The following PXT1 variants were observed in gnomAD, a reference collection of about 807,000 sequenced individuals.
PXT1 encodes the protein peroxisomal testis enriched protein 1.
In PXT1, 11 loss-of-function variants were observed where a neutral mutation model predicts 11.0. The ratio of observed to expected loss-of-function variants is 1.00; its 90% CI spans 0.63 to 1.66. PXT1 has a LOEUF of 1.66. PXT1 is among the 40% of genes most tolerant of loss of function. The probability of loss-of-function intolerance (pLI) is 0.00; values close to 1 mark genes in which losing one functional copy is unlikely to be tolerated. For synonymous variants in PXT1, 43 were observed against 51.4 expected, an observed-to-expected ratio of 0.84 and a Z score of 0.70; for missense variants, 141 against 155.5, an observed-to-expected ratio of 0.91 and a Z score of 0.49.
chr6:36,434,965 T>C (rs1774741640), intron 2 of PXT1, among the ~76,000 whole-genome samples: 1 of 152,210 alleles, frequency 6.6e-6, no homozygotes, highest in African/African-American at 2.4e-5. Flanking sequence ...AAAGGTACTT[T>C]TATGTGATTG....
In PXT1 at chr6:36,422,559, T is replaced by C. The variant is rs146039642; in HGVS notation, c.169+3355A>G. Among the ~76,000 whole-genome samples, 643 of 152,342 alleles carry C rather than the reference T, an allele frequency of 4.2e-3. 4 individuals carry two copies. The highest frequency in any genetic ancestry group is 0.017 in the Middle Eastern group (5 of 294). ...CCATACGCTCCATGACTGAAGGAACTGGTACTGTTTTTATTTATCACTGTC... is the reference window on the plus strand; with the variant it reads ...CCATACGCTCCATGACTGAAGGAACCGGTACTGTTTTTATTTATCACTGTC... On this transcript the variant is annotated intron_variant, in intron 3 of 4. Coordinates refer to ENST00000454782, the MANE Select transcript of PXT1 (RefSeq NM_152990.4).
At chr6:36,412,952 A>G (rs1476903410) in intron 3 of PXT1, among the ~76,000 whole-genome samples, 1 of 152,164 alleles carries the variant, frequency 6.6e-6, no homozygotes, top group African/African-American at 2.4e-5. Context: ...GGAAATCTCA[A>G]AGAAAGAAAA....
intron 2 of PXT1, among the ~76,000 whole-genome samples, chr6:36,426,636 T>C (rs967828449): frequency 2.0e-5 from 3 of 152,190 alleles, no homozygotes; most frequent in South Asian, 2.1e-4. Context: ...TCCCAAAGTG[T>C]TGGGATTACA....
chr6:36,420,865 C>G (rs1415856410), intron 3 of PXT1, among the ~76,000 whole-genome samples: 1 of 151,984 alleles, frequency 6.6e-6, no homozygotes, highest in Non-Finnish European at 1.5e-5. Flanking sequence ...ATAGCCTGGC[C>G]AACATGGTGA....
intron 3 of PXT1, among the ~76,000 whole-genome samples, chr6:36,420,707 T>C (rs1448224451): frequency 6.6e-6 from 1 of 152,224 alleles, no homozygotes; most frequent in Non-Finnish European, 1.5e-5. Context: ...AAATTAAAAT[T>C]GGTAAGTCAC....
chr6:36,441,133 G>C (rs1002137151), intron 1 of PXT1, among the ~76,000 whole-genome samples: 2 of 148,092 alleles, frequency 1.4e-5, no homozygotes, highest in African/African-American at 5.0e-5. Context: ...AAAAAAGAAA[G>C]ACAATATACA....
chr6:36,425,805 A>AACAAACAAAAAAAAAT (rs1554154141), intron 3 of PXT1, 109 bp downstream of exon 3: 5 of 321,510 alleles, frequency 1.6e-5, no homozygotes, highest in African/African-American at 1.1e-4. Context: ...AAAAACAAAA[A>AACAAACAAAAAAAAAT]ATATATATAT....
rs1332616347 is a variant in PXT1 at position 36,442,574 on chromosome 6, T to C, written c.-169A>G. ...GTATTTGAGAAAAATGTGGAGTTTTTCCCCCTTTCTTTTGGCCAGAATGTA... is the reference window on the plus strand; with the variant it reads ...GTATTTGAGAAAAATGTGGAGTTTTCCCCCCTTTCTTTTGGCCAGAATGTA... On this transcript the variant is annotated 5_prime_UTR_variant, in exon 1 of 5. Transcript: ENST00000454782. The C allele has an allele frequency of 6.6e-6, 1 of 152,148 alleles. No homozygotes were observed. The highest frequency in any genetic ancestry group is 1.5e-5 in the Non-Finnish European group (1 of 68,030). 9.4% of individuals were successfully genotyped at this position (152,148 alleles called of 1,614,324 possible).
At chr6:36,428,792 G>A (rs568265460) in intron 2 of PXT1, among the ~76,000 whole-genome samples, 2 of 150,664 alleles carry the variant, frequency 1.3e-5, no homozygotes, top group African/African-American at 2.4e-5. Flanking sequence ...CACCCAGGCT[G>A]TAGTGCAGTG....
At chr6:36,398,688 A>G (rs907472236) in intron 4 of PXT1, among the ~76,000 whole-genome samples, 6 of 152,112 alleles carry the variant, frequency 3.9e-5, no homozygotes, top group African/African-American at 1.4e-4. Context: ...AGAGACACAA[A>G]GTAGATTGGT....
At chr6:36,426,519 C>T (rs554482272) in intron 2 of PXT1, among the ~76,000 whole-genome samples, 19 of 151,926 alleles carry the variant, frequency 1.3e-4, no homozygotes, top group African/African-American at 4.3e-4. Context: ...CACAGGCATG[C>T]GCCACCACGC....
In PXT1 at chr6:36,436,069, G is replaced by A. The variant is rs533064089; in HGVS notation, c.-10+2698C>T. Among the ~76,000 whole-genome samples, 36 of 144,568 alleles carry A rather than the reference G, an allele frequency of 2.5e-4. 1 individual carries two copies. The highest frequency in any genetic ancestry group is 5.1e-4 in the Admixed American group (7 of 13,834). The allele number at this position is 144,568 out of a possible 152,430, so 94.8% of individuals were successfully genotyped here. On this transcript the variant is annotated intron_variant, in intron 2 of 4. Transcript: ENST00000454782. Reference sequence around the variant, plus strand: ...ACAATGATTGGTTTTTAAATGATGTGCCTGGATTCATTTAATAAAAATTAA... The same window carrying A: ...ACAATGATTGGTTTTTAAATGATGTACCTGGATTCATTTAATAAAAATTAA...
In PXT1 at chr6:36,400,561, T is replaced by C; in HGVS notation, c.193A>G (p.Lys65Glu). 1 of 1,613,688 alleles carries C rather than the reference T, an allele frequency of 6.2e-7. No homozygotes were observed. Among genetic ancestry groups the C allele is most frequent in the South Asian group, 1.1e-5 (1 of 91,068 alleles). The part of the protein sequence containing the change: ...NPDHNLLSQP[K>E]EHSIVQKHHQ... Reference sequence around the variant, plus strand: ...TGCTTCTGAACAATGCTATGCTCCTTGGGCTGAGAAAGTAGATTATGATCT... The same window carrying C: ...TGCTTCTGAACAATGCTATGCTCCTCGGGCTGAGAAAGTAGATTATGATCT... Residue 65 changes from lysine (K) to glutamate (E), a missense_variant, in exon 4 of 5, where the codon AAG (lysine) becomes GAG (glutamate). By Grantham distance (56) the Lys-to-Glu change is moderately conservative. Coordinates refer to ENST00000454782, the MANE Select transcript of PXT1 (RefSeq NM_152990.4).
intron 2 of PXT1, among the ~76,000 whole-genome samples, chr6:36,429,489 T>A (rs1486980596): frequency 1.5e-5 from 2 of 129,200 alleles, no homozygotes; most frequent in Non-Finnish European, 3.1e-5. Context: ...TTCACTTTTC[T>A]TTTTTCTTTT....
chr6:36,390,636 T>C lies in PXT1; in HGVS notation c.*1134A>G, dbSNP rs1024806060. On this transcript the variant is annotated 3_prime_UTR_variant, in exon 5 of 5. Coordinates refer to ENST00000454782, the MANE Select transcript of PXT1 (RefSeq NM_152990.4). ...TCCCCTATGAAGAACTCAAGATACA[T>C]ATGTAAACTTTTAATTTATAACAAC... 4 of 152,252 alleles carry C rather than the reference T, an allele frequency of 2.6e-5. No homozygotes were observed. Among genetic ancestry groups the C allele is most frequent in the South Asian group, 2.1e-4 (1 of 4,834 alleles). 9.4% of individuals were successfully genotyped at this position (152,252 alleles called of 1,614,324 possible). A position where few individuals can be genotyped will look rare whatever the true frequency, so the allele number is the denominator to read the frequency against.
chr6:36,402,183 T>C (rs62403734), intron 3 of PXT1, among the ~76,000 whole-genome samples: 8,946 of 152,122 alleles, frequency 0.059, 437 homozygotes, highest in African/African-American at 0.14. Context: ...CAGCAACCAA[T>C]GAGCGTTTTT....
chr6:36,399,606 T>TGGAAGCTGCACCAA (rs1774187862), intron 4 of PXT1, among the ~76,000 whole-genome samples: 1 of 152,146 alleles, frequency 6.6e-6, no homozygotes, highest in Non-Finnish European at 1.5e-5. Flanking sequence ...GACAGCATGG[T>TGGAAGCTGCACCAA]GGAAGCTGCA....
At chr6:36,429,508 C>CTTTTTTTTTTTTTTTTTTTTTTTTT (rs112777415) in intron 2 of PXT1, among the ~76,000 whole-genome samples, 3 of 108,214 alleles carry the variant, frequency 2.8e-5, no homozygotes, top group African/African-American at 1.1e-4. Context: ...TTTTTCTTTT[C>CTTTTTTTTTTTTTTTTTTTTTTTTT]TTTTTTTTTT....
chr6:36,394,502 C>T (rs550614009), intron 4 of PXT1, among the ~76,000 whole-genome samples: 1 of 152,202 alleles, frequency 6.6e-6, no homozygotes, highest in African/African-American at 2.4e-5. Context: ...AATAAAGAGA[C>T]TCTAAAAGGT....
Sources: gnomAD v4.1 joint callset for allele counts (sites outside exome capture counted in the v4.1 genomes callset) on GRCh38, gnomAD v4.1.1 for gene constraint, MANE v1.5 for transcripts, NCBI Gene and HGNC (gene_info 2026-07-23, HGNC 2026-07-21) for gene names.